Variants in CNTNAP3 observed in about 807,000 individuals in gnomAD.
CNTNAP3 encodes the protein contactin-associated protein-like 3.
A neutral mutation model predicts 92.1 loss-of-function variants in CNTNAP3; 36 were observed. The observed-to-expected ratio is 0.39, with a 90% CI of 0.30 to 0.52. The LOEUF is 0.52. Among genes scored for constraint, CNTNAP3 ranks in the 20% least tolerant of loss-of-function variants. CNTNAP3 has a pLI of 0.76. For synonymous variants in CNTNAP3, 232 were observed against 422.3 expected (o/e 0.55, Z 5.53); for missense variants, 534 against 1,069.6 (o/e 0.50, Z 6.98).
At chr9:39,133,541 A>G (rs1009315150) in intron 12 of CNTNAP3, among the ~76,000 whole-genome samples, 1 of 151,772 alleles carries the variant, frequency 6.6e-6, no homozygotes, top group African/African-American at 2.4e-5. Flanking sequence ...TTTATAAAAG[A>G]TACATATTGG....
intron 18 of CNTNAP3, among the ~76,000 whole-genome samples, chr9:39,096,646 G>A (rs1053263603): frequency 2.0e-5 from 3 of 150,928 alleles, no homozygotes; most frequent in Admixed American, 6.6e-5. Context: ...CATGAAAGAC[G>A]GTTTTGCTGG....
At chr9:39,102,955 T>C (rs930361081) in intron 16 of CNTNAP3, among the ~76,000 whole-genome samples, 46 of 152,140 alleles carry the variant, frequency 3.0e-4, no homozygotes, top group African/African-American at 1.1e-3. Context: ...TCCTAAATAG[T>C]AGAGATATGT....
chr9:39,123,991 G>A (rs1230799233), intron 13 of CNTNAP3, among the ~76,000 whole-genome samples: 2 of 151,956 alleles, frequency 1.3e-5, no homozygotes, highest in African/African-American at 4.8e-5. Context: ...CATAAAGAAA[G>A]GTAGGAGCAT....
chr9:39,129,954 C>T (rs940510673), intron 13 of CNTNAP3, among the ~76,000 whole-genome samples: 3 of 152,150 alleles, frequency 2.0e-5, no homozygotes, highest in African/African-American at 4.8e-5. Flanking sequence ...AAAGATATTA[C>T]TACACAGTTA....
chr9:39,113,751 T>C (rs578070704), intron 14 of CNTNAP3, among the ~76,000 whole-genome samples: 3 of 152,032 alleles, frequency 2.0e-5, no homozygotes, highest in African/African-American at 7.2e-5. Flanking sequence ...ATTTACAAAA[T>C]TTTTTATACT....
At chr9:39,159,831 A>G (rs1822047184) in intron 9 of CNTNAP3, 1 of 137,154 alleles carries the variant, frequency 7.3e-6, no homozygotes, top group South Asian at 2.2e-4. Context: ...ACTGTAACAA[A>G]TCACTAAAAT....
chr9:39,083,328 G>T (rs1195681908), intron 21 of CNTNAP3, among the ~76,000 whole-genome samples: 3 of 151,768 alleles, frequency 2.0e-5, no homozygotes, highest in African/African-American at 7.3e-5. Flanking sequence ...TTCCATTTTT[G>T]CACTCTGTTT....
At chr9:39,150,216 C>G (rs1274553445) in intron 9 of CNTNAP3, among the ~76,000 whole-genome samples, 1 of 151,400 alleles carries the variant, frequency 6.6e-6, no homozygotes. Flanking sequence ...ATTCCTATAA[C>G]AGGAATTATT....
intron 14 of CNTNAP3, among the ~76,000 whole-genome samples, chr9:39,111,693 C>T (rs1826751314): frequency 6.6e-6 from 1 of 151,998 alleles, no homozygotes; most frequent in South Asian, 2.1e-4. Flanking sequence ...AGAGAAAATG[C>T]AATTTAATTA....
intron 14 of CNTNAP3, among the ~76,000 whole-genome samples, chr9:39,112,792 AC>A (rs1431994212): frequency 6.6e-6 from 1 of 152,132 alleles, no homozygotes; most frequent in African/African-American, 2.4e-5. Context: ...GGCCAATTCA[AC>A]CTGCATTAAT....
chr9:39,068,276 C>T lies in CNTNAP3; in HGVS notation c.*5614G>A, dbSNP rs1396473818. Among the ~76,000 whole-genome samples the T allele has an allele frequency of 1.1e-4, 17 of 148,428 alleles. No homozygotes were observed. Among genetic ancestry groups the T allele is most frequent in the Non-Finnish European group, 1.3e-4 (9 of 67,302 alleles). On this transcript the variant is annotated 3_prime_UTR_variant, in exon 24 of 24. Transcript: ENST00000297668. ...AAAAAAAAAAAAAAAATTAGCTGGG[C>T]ATGTTGGCTTGTGCCTGTAGTCCCA... is the stretch of plus-strand genomic sequence containing the variant.
chr9:39,099,342 A>G (rs1485382576), intron 18 of CNTNAP3, among the ~76,000 whole-genome samples: 3 of 152,190 alleles, frequency 2.0e-5, no homozygotes, highest in African/African-American at 7.2e-5. Context: ...ATCATAGAGC[A>G]CAGTGTTTGA....
intron 12 of CNTNAP3, among the ~76,000 whole-genome samples, chr9:39,136,854 C>T (rs1821450096): frequency 6.6e-6 from 1 of 152,106 alleles, no homozygotes; most frequent in South Asian, 2.1e-4. Context: ...GAGCCAAGAT[C>T]GTACCATTGC....
In CNTNAP3 at chr9:39,069,694, G is replaced by T. The variant is rs1171190133; in HGVS notation, c.*4196C>A. Among the ~76,000 whole-genome samples the T allele has an allele frequency of 6.6e-6, 1 of 152,312 alleles. No individual in the cohort carries two copies. The highest frequency in any genetic ancestry group is 2.4e-5 in the African/African-American group (1 of 41,488). On this transcript the variant is annotated 3_prime_UTR_variant, in exon 24 of 24. Coordinates refer to ENST00000297668, the MANE Select transcript of CNTNAP3 (RefSeq NM_033655.5). Reference sequence around the variant, plus strand: ...AATTCTGCTACTACTCCTAGTAATGGCAACTTTATGTAACCTTCTTAAGGT... The same window carrying T: ...AATTCTGCTACTACTCCTAGTAATGTCAACTTTATGTAACCTTCTTAAGGT...
At chr9:39,092,881 T>C (rs1332026464) in intron 18 of CNTNAP3, among the ~76,000 whole-genome samples, 1 of 143,122 alleles carries the variant, frequency 7.0e-6, no homozygotes, top group Non-Finnish European at 1.5e-5. Flanking sequence ...TTTATGTAAT[T>C]TGGGGCTATA....
At chr9:39,100,696 A>G (rs1826435321) in intron 17 of CNTNAP3, among the ~76,000 whole-genome samples, 1 of 152,108 alleles carries the variant, frequency 6.6e-6, no homozygotes, top group South Asian at 2.1e-4. Context: ...GTGACACCGT[A>G]CCCCAGGATC....
chr9:39,077,845 T>G (rs1054949999), intron 23 of CNTNAP3, among the ~76,000 whole-genome samples: 3 of 152,034 alleles, frequency 2.0e-5, no homozygotes, highest in Non-Finnish European at 4.4e-5. Context: ...CAAAAAAAAT[T>G]GTTTCGGCAG....
At chr9:39,128,161 G>A (rs1821192436) in intron 13 of CNTNAP3, among the ~76,000 whole-genome samples, 1 of 151,952 alleles carries the variant, frequency 6.6e-6, no homozygotes, top group African/African-American at 2.4e-5. Flanking sequence ...TCTACCAAAT[G>A]TTTAAATAAA....
Position 39,123,091 on chromosome 9 carries a change from A to ATTTTT in CNTNAP3, c.2081-4837_2081-4833dup, listed in dbSNP as rs773238134. On this transcript the variant is annotated intron_variant, in intron 13 of 23. Coordinates refer to ENST00000297668, the MANE Select transcript of CNTNAP3 (RefSeq NM_033655.5). Reference sequence around the variant, plus strand: ...ATAATATCCAAACTGTTGGACAATAATTTTTTTTTTTTTTTTTTTTTGAGA... The same window carrying ATTTTT: ...ATAATATCCAAACTGTTGGACAATAATTTTTTTTTTTTTTTTTTTTTTTTTTGAGA... Among the ~76,000 whole-genome samples, 10 of 129,808 alleles carry ATTTTT rather than the reference A, an allele frequency of 7.7e-5. 1 individual carries two copies. Among genetic ancestry groups the ATTTTT allele is most frequent in the African/African-American group, 3.1e-4 (10 of 32,548 alleles). 85.2% of individuals were successfully genotyped at this position (129,808 alleles called of 152,430 possible).
Sources: gnomAD v4.1 joint callset for allele counts (sites outside exome capture counted in the v4.1 genomes callset) on GRCh38, gnomAD v4.1.1 for gene constraint, MANE v1.5 for transcripts, NCBI Gene and HGNC (gene_info 2026-07-23, HGNC 2026-07-21) for gene names.